The following CSMD1 variants were observed in gnomAD, a reference collection of about 807,000 sequenced individuals.
CSMD1 encodes CUB and sushi domain-containing protein 1.
CSMD1 carries 213 observed loss-of-function variants against 417.5 expected under a neutral mutation model. The ratio of observed to expected loss-of-function variants is 0.51; its 90% CI spans 0.46 to 0.57. The LOEUF (loss-of-function observed/expected upper bound fraction) is 0.57, where lower values mean the gene tolerates loss of function less well. Ranked by LOEUF, CSMD1 falls within the 20% of genes least tolerant of loss-of-function variation. The probability of loss-of-function intolerance (pLI) is 0.00; values close to 1 mark genes in which losing one functional copy is unlikely to be tolerated. For synonymous variants in CSMD1, 2,862 were observed against 1,736.8 expected, an observed-to-expected ratio of 1.65 and a Z score of -16.11; for missense variants, 6,923 against 4,529.7, an observed-to-expected ratio of 1.53 and a Z score of -15.17.
intron 4 of CSMD1, among the ~76,000 whole-genome samples, chr8:4,014,494 T>G (rs1323905638): frequency 6.6e-6 from 1 of 152,220 alleles, no homozygotes; most frequent in Non-Finnish European, 1.5e-5. Flanking sequence ...TGGCTTCTTT[T>G]GATGTCTGTT....
intron 10 of CSMD1, among the ~76,000 whole-genome samples, chr8:3,519,308 C>G (rs375545977): frequency 3.3e-5 from 5 of 152,178 alleles, no homozygotes; most frequent in East Asian, 1.9e-4. Context: ...AAAACAGCTT[C>G]TACTGTTAGC....
At chr8:3,675,440 G>A (rs914331953) in intron 7 of CSMD1, among the ~76,000 whole-genome samples, 3 of 152,166 alleles carry the variant, frequency 2.0e-5, no homozygotes, top group African/African-American at 7.2e-5. Flanking sequence ...TGGATGGAAA[G>A]ACCAAAAATC....
At chr8:3,086,532 T>C (rs1563323753) in intron 49 of CSMD1, among the ~76,000 whole-genome samples, 1 of 152,130 alleles carries the variant, frequency 6.6e-6, no homozygotes, top group Non-Finnish European at 1.5e-5. Context: ...CTTGATAAGA[T>C]AAAACTATGA....
rs1018907312 is a variant in CSMD1, at chr8:3,408,164, C to G, written c.1806G>C (p.Glu602Asp). Residue 602 changes from glutamate (E) to aspartate (D), a missense_variant, in exon 14 of 70, where the codon GAG becomes GAC. Transcript: ENST00000635120. The part of the protein sequence containing the change: ...SGIILSPNYP[E>D]EYGNNMNCVW... ...CACAGTTCATGTTGTTCCCATATTC[C>G]TCTGGATAATTTGGTGACAGAATAA... The G allele has an allele frequency of 3.7e-6, 6 of 1,612,842 alleles. No homozygotes were observed. The highest frequency in any genetic ancestry group is 5.1e-6 in the Non-Finnish European group (6 of 1,179,394).
chr8:4,181,398 AG>A (rs36115763), intron 3 of CSMD1, among the ~76,000 whole-genome samples: 1 of 151,950 alleles, frequency 6.6e-6, no homozygotes, highest in African/African-American at 2.4e-5. Context: ...ACTATAAGGC[AG>A]GGTTCTCCAA....
chr8:3,515,220 C>T (rs1797236735), intron 10 of CSMD1: 1 of 152,308 alleles, frequency 6.6e-6, no homozygotes, highest in Middle Eastern at 3.4e-3. Flanking sequence ...ATGTCAAGTA[C>T]ATTTGACATC....
At chr8:4,761,386 A>G (rs997566959) in intron 1 of CSMD1, among the ~76,000 whole-genome samples, 4 of 150,828 alleles carry the variant, frequency 2.7e-5, no homozygotes, top group Admixed American at 6.6e-5. Context: ...GTGTGTGTGT[A>G]TATATATATA....
intron 11 of CSMD1, among the ~76,000 whole-genome samples, chr8:3,478,600 G>A (rs1817558643): frequency 6.6e-6 from 1 of 152,116 alleles, no homozygotes. Context: ...CAAACAGAAG[G>A]CCACTCCGAC....
intron 5 of CSMD1, among the ~76,000 whole-genome samples, chr8:3,816,842 G>A (rs891234907): frequency 6.6e-6 from 1 of 151,948 alleles, no homozygotes; most frequent in Non-Finnish European, 1.5e-5. Context: ...TCTACTAGGG[G>A]TTTGGAACAT....
intron 5 of CSMD1, among the ~76,000 whole-genome samples, chr8:3,994,813 T>C (rs1448322758): frequency 6.6e-6 from 1 of 152,186 alleles, no homozygotes; most frequent in Admixed American, 6.5e-5. Flanking sequence ...CCAAATTAAA[T>C]GAAAATAAGG....
rs1229047360 is a variant in CSMD1, at chr8:4,655,493, A to G, written c.86-17935T>C. Among the ~76,000 whole-genome samples, 5 of 152,292 alleles carry G rather than the reference A, an allele frequency of 3.3e-5. No homozygotes were observed. In the South Asian group the frequency reaches 1.0e-3, roughly 32 times the overall value. Reference sequence around the variant, plus strand: ...ATTTTTTGGAAATAAAGTAAAATCTATGATGATCAGAATTTAAGAGGATCT... The same window carrying G: ...ATTTTTTGGAAATAAAGTAAAATCTGTGATGATCAGAATTTAAGAGGATCT... On this transcript the variant is annotated intron_variant, in intron 1 of 69. Transcript: ENST00000635120.
intron 12 of CSMD1, among the ~76,000 whole-genome samples, chr8:3,452,886 G>C (rs1017874379): frequency 6.6e-6 from 1 of 152,198 alleles, no homozygotes; most frequent in Non-Finnish European, 1.5e-5. Flanking sequence ...AGTTTCAGAA[G>C]GAATGGTACC....
intron 1 of CSMD1, among the ~76,000 whole-genome samples, chr8:4,665,062 G>T (rs1010395266): frequency 2.6e-5 from 4 of 152,040 alleles, no homozygotes; most frequent in African/African-American, 4.8e-5. Context: ...TTGCAGAAAA[G>T]GTATTAGTTT....
intron 5 of CSMD1, among the ~76,000 whole-genome samples, chr8:3,824,662 A>G (rs1214770592): frequency 1.3e-5 from 2 of 152,184 alleles, no homozygotes; most frequent in Non-Finnish European, 2.9e-5. Context: ...TTTGTTATAT[A>G]TTGAGTTAAT....
At chr8:4,366,447 G>T (rs932340588) in intron 3 of CSMD1, among the ~76,000 whole-genome samples, 1 of 152,134 alleles carries the variant, frequency 6.6e-6, no homozygotes, top group Non-Finnish European at 1.5e-5. Flanking sequence ...TAATCCCAAA[G>T]GTGGGACTGC....
intron 3 of CSMD1, among the ~76,000 whole-genome samples, chr8:4,261,054 T>C (rs1226505422): frequency 6.6e-6 from 1 of 152,238 alleles, no homozygotes; most frequent in African/African-American, 2.4e-5. Flanking sequence ...ACGGTGAATT[T>C]AGGATTCCGG....
chr8:4,360,990 T>C lies in CSMD1; in HGVS notation c.415+58963A>G, dbSNP rs1403707879. ...TGACTGACAGTAGATATTTGACTAA[T>C]ATTTGAAGACATTTTAAAATAAAAT... On this transcript the variant is annotated intron_variant, in intron 3 of 69. Transcript: ENST00000635120. Among the ~76,000 whole-genome samples the C allele has an allele frequency of 2.6e-5, 4 of 152,338 alleles. No individual in the cohort carries two copies. The South Asian group carries it at 8.3e-4, about 32-fold the overall frequency.
intron 3 of CSMD1, among the ~76,000 whole-genome samples, chr8:4,093,486 G>T (rs576636620): frequency 2.6e-5 from 4 of 152,104 alleles, no homozygotes; most frequent in Admixed American, 2.0e-4. Context: ...AAGTTACATA[G>T]ATGTTATGTT....
intron 5 of CSMD1, among the ~76,000 whole-genome samples, chr8:3,759,681 G>A (rs1797880376): frequency 6.7e-6 from 1 of 150,298 alleles, no homozygotes; most frequent in African/African-American, 2.5e-5. Flanking sequence ...ACCACCTGAG[G>A]TCAGGAGTTC....
Sources: allele counts gnomAD v4.1 joint callset (sites outside exome capture counted in the v4.1 genomes callset), GRCh38; gene constraint gnomAD v4.1.1; transcripts MANE v1.5; gene names NCBI Gene and HGNC (gene_info 2026-07-23, HGNC 2026-07-21).